The following CLASP2 variants were observed in gnomAD, a reference collection of about 807,000 sequenced individuals.
The protein encoded by CLASP2 is cytoplasmic linker associated protein 2, also known as CLIP-associating protein 2.
CLASP2 carries 47 observed loss-of-function variants against 194.4 expected under a neutral mutation model. The ratio of observed to expected loss-of-function variants is 0.24; its 90% CI spans 0.19 to 0.31. The LOEUF is 0.31. Among genes scored for constraint, CLASP2 ranks in the 10% least tolerant of loss-of-function variants. The pLI is 1.00. For synonymous variants in CLASP2, 619 were observed against 633.5 expected (o/e 0.98, Z 0.34); for missense variants, 1,445 against 1,823.6 (o/e 0.79, Z 3.78).
chr3:33,606,710 T>C lies in CLASP2; in HGVS notation c.1575A>G (p.Leu525=). 6.2e-7 allele frequency: 1 copy of C among 1,613,460 alleles called. No homozygotes were observed. The highest frequency in any genetic ancestry group is 8.5e-7 in the Non-Finnish European group (1 of 1,179,524). The stretch of plus-strand genomic sequence containing the variant: ...GATAAGATGGCTCAAGGGAATTATA[T>C]AATGTTTCAGCTTCACCAGGAAAGT... ...RNHFPGEAET[L]YNSLEPSYQK... The change falls in exon 16 of 39, where the codon TTA becomes TTG. Residue 525 remains leucine (L), a synonymous_variant. Coordinates refer to ENST00000682230, the MANE Select transcript of CLASP2 (RefSeq NM_001365631.1).
intron 32 of CLASP2, among the ~76,000 whole-genome samples, chr3:33,541,040 T>C (rs2058266776): frequency 6.6e-6 from 1 of 152,184 alleles, no homozygotes; most frequent in Non-Finnish European, 1.5e-5. Context: ...CCCAAAGTGC[T>C]GGGATTACAG....
chr3:33,607,502 T>C (rs1420008040), intron 14 of CLASP2, 41 bp from the exon 15 acceptor site: 4 of 1,409,004 alleles, frequency 2.8e-6, no homozygotes, highest in Admixed American at 2.1e-5. Flanking sequence ...GATATAGCTG[T>C]ATGTTTCACC....
rs553264400 is a variant in CLASP2 at position 33,621,404 on chromosome 3, T to C, written c.1181+731A>G. ...TTGGAGATATTGGGTCATTTTGGTATACTGGGACTTGTATCTTGCAACTTT... is the reference window on the plus strand; with the variant it reads ...TTGGAGATATTGGGTCATTTTGGTACACTGGGACTTGTATCTTGCAACTTT... On this transcript the variant is annotated intron_variant, in intron 11 of 38. Coordinates refer to ENST00000682230, the MANE Select transcript of CLASP2 (RefSeq NM_001365631.1). 4.6e-5 allele frequency among the ~76,000 whole-genome samples: 7 copies of C among 152,344 alleles called. No individual in the cohort carries two copies. The East Asian group carries it at 1.3e-3, about 29-fold the overall frequency.
chr3:33,559,483 C>CA (rs1349342592), intron 28 of CLASP2, 98 bp from the exon 29 acceptor site: 11 of 687,068 alleles, frequency 1.6e-5, no homozygotes, highest in Admixed American at 2.5e-5. Flanking sequence ...TAATGTCATC[C>CA]AAAAAACATC....
chr3:33,529,731 C>G (rs1187475582), intron 34 of CLASP2, among the ~76,000 whole-genome samples: 1 of 152,082 alleles, frequency 6.6e-6, no homozygotes, highest in Non-Finnish European at 1.5e-5. Context: ...CCTGTAATCC[C>G]AGCACTTTGG....
intron 3 of CLASP2, 113 bp from the exon 4 acceptor site, chr3:33,688,481 C>T: frequency 1.3e-6 from 1 of 784,790 alleles, no homozygotes; most frequent in Admixed American, 3.1e-5. Flanking sequence ...ATGTTTTCAT[C>T]AGACTGTTGT....
intron 6 of CLASP2, among the ~76,000 whole-genome samples, chr3:33,667,406 C>CAAAAAAAAAAAA (rs537846651): frequency 0.03 from 1,336 of 44,020 alleles, 171 homozygotes; most frequent in East Asian, 0.088. Context: ...GAGACTATCT[C>CAAAAAAAAAAAA]AAAAAAAAAA....
Position 33,644,870 on chromosome 3 carries a change from C to T in CLASP2, c.749G>A (p.Gly250Glu). The T allele has an allele frequency of 1.2e-6, 2 of 1,606,324 alleles. No homozygotes were observed. The highest frequency in any genetic ancestry group is 1.7e-6 in the Non-Finnish European group (2 of 1,175,862). ...KSFDDEESVD[G>E]NRPSSAASAF... ...TGATGCAGCTGATGATGGCCTATTT[C>T]CATCCACTGATTCTTCATCATCGAA... Residue 250 changes from glycine (G) to glutamate (E), a missense_variant, in exon 8 of 39, where the codon GGA (glycine) becomes GAA (glutamate). Transcript: ENST00000682230.
chr3:33,637,658 G>T (rs2080419551), intron 8 of CLASP2, among the ~76,000 whole-genome samples: 1 of 152,164 alleles, frequency 6.6e-6, no homozygotes, highest in African/African-American at 2.4e-5. Flanking sequence ...CACACTAAAA[G>T]CCTTCAGTAA....
intron 2 of CLASP2, among the ~76,000 whole-genome samples, chr3:33,692,767 C>A (rs900796914): frequency 1.3e-5 from 2 of 152,146 alleles, no homozygotes; most frequent in African/African-American, 2.4e-5. Flanking sequence ...GTATCCAGAA[C>A]AGAATTTTTC....
At chr3:33,614,849 G>A (rs1424530190) in intron 12 of CLASP2, among the ~76,000 whole-genome samples, 6 of 152,142 alleles carry the variant, frequency 3.9e-5, no homozygotes, top group African/African-American at 1.4e-4. Flanking sequence ...AAATTAGCCA[G>A]GCGTGGTGGC....
intron 18 of CLASP2, among the ~76,000 whole-genome samples, chr3:33,601,998 T>C (rs542837789): frequency 3.3e-5 from 5 of 151,256 alleles, no homozygotes; most frequent in South Asian, 2.1e-4. Flanking sequence ...AATTCAAAAA[T>C]CCAAAATCCG....
At position 33,592,492 on chromosome 3, in the gene CLASP2, C is replaced by T; in HGVS notation, c.1971G>A (p.Arg657=). 1 of 1,609,902 alleles carries T rather than the reference C, an allele frequency of 6.2e-7. No homozygotes were observed. Among genetic ancestry groups the T allele is most frequent in the Non-Finnish European group, 8.5e-7 (1 of 1,177,270 alleles). The change falls in exon 21 of 39, where the codon CGG becomes CGA. Residue 657 remains arginine, a synonymous_variant. Transcript: ENST00000682230. ...KLDGTASEDG[R]VRAKLSAPLA... ...GTGGTGCTGAAAGTTTTGCTCTCAC[C>T]CGGCCTGAGAAATAAAATATTTACA...
intron 6 of CLASP2, among the ~76,000 whole-genome samples, chr3:33,679,184 C>T (rs768820689): frequency 8.5e-5 from 13 of 152,078 alleles, no homozygotes; most frequent in South Asian, 2.1e-4. Flanking sequence ...TGGACATTCA[C>T]AAACAAAAAC....
At chr3:33,632,733 T>G (rs563046165) in intron 8 of CLASP2, among the ~76,000 whole-genome samples, 1 of 152,118 alleles carries the variant, frequency 6.6e-6, no homozygotes, top group Non-Finnish European at 1.5e-5. Context: ...TAAATGATAG[T>G]GTGATGCAGA....
intron 7 of CLASP2, among the ~76,000 whole-genome samples, chr3:33,652,561 T>C (rs2083397435): frequency 6.6e-6 from 1 of 152,170 alleles, no homozygotes; most frequent in Non-Finnish European, 1.5e-5. Flanking sequence ...ATTCTCCTTC[T>C]CTCCAGACTA....
At chr3:33,644,721 A>G (rs1411854657) in intron 8 of CLASP2, 36 bp downstream of exon 8, 1 of 1,606,390 alleles carries the variant, frequency 6.2e-7, no homozygotes, top group Non-Finnish European at 8.5e-7. Flanking sequence ...AAGGGCATGG[A>G]GCATGCATAA....
chr3:33,501,904 C>T lies in CLASP2; in HGVS notation c.4318-136G>A. On this transcript the variant is annotated intron_variant, in intron 37 of 38. Coordinates refer to ENST00000682230, the MANE Select transcript of CLASP2 (RefSeq NM_001365631.1). ...AGAGAAAAGTGCAGATCAAAGTTAA[C>T]TTTTTAACCTTTTCAAGCATAGACA... 6.5e-6 allele frequency: 4 copies of T among 616,878 alleles called. No homozygotes were observed. The South Asian group carries it at 7.8e-5, about 12-fold the overall frequency. The allele number at this position is 616,878 out of a possible 1,614,324, so 38.2% of individuals were successfully genotyped here.
intron 13 of CLASP2, among the ~76,000 whole-genome samples, chr3:33,611,792 T>C (rs1170027227): frequency 3.3e-5 from 5 of 152,076 alleles, no homozygotes; most frequent in Admixed American, 6.5e-5. Flanking sequence ...AAGCTTAATA[T>C]GATAAAACTA....
Sources: allele counts gnomAD v4.1 joint callset (sites outside exome capture counted in the v4.1 genomes callset), GRCh38; gene constraint gnomAD v4.1.1; transcripts MANE v1.5; gene names NCBI Gene and HGNC (gene_info 2026-07-23, HGNC 2026-07-21).